Variants in RGPD2 observed in about 807,000 individuals in gnomAD.
The protein encoded by RGPD2 is RANBP2 like and GRIP domain containing 2, also known as RANBP2-like and GRIP domain-containing protein 2.
A neutral mutation model predicts 36.0 loss-of-function variants in RGPD2; 2 were observed. The observed-to-expected ratio is 0.06, with a 90% CI of 0.02 to 0.17. RGPD2 has a LOEUF of 0.17. RGPD2 is among the 10% of genes least tolerant of loss of function. RGPD2 has a pLI of 1.00. For missense variants in RGPD2, 40 were observed against 464.3 expected (o/e 0.09, Z 8.40); for synonymous variants, 19 against 163.8 (o/e 0.12, Z 6.75).
the RGPD2 span, among the ~76,000 whole-genome samples, chr2:87,914,249 A>G: frequency 8.3e-6 from 1 of 121,078 alleles, no homozygotes; most frequent in African/African-American, 3.2e-5. Context: ...AGCTTTTGTT[A>G]ATATCAAATG....
At chr2:87,871,655 T>C in the RGPD2 span, among the ~76,000 whole-genome samples, 1 of 151,890 alleles carries the variant, frequency 6.6e-6, no homozygotes, top group South Asian at 2.1e-4. Flanking sequence ...TACCCGAGAT[T>C]GGGAATTTGA....
chr2:87,935,206 G>C, the RGPD2 span, among the ~76,000 whole-genome samples: 3 of 143,888 alleles, frequency 2.1e-5, no homozygotes, highest in African/African-American at 5.2e-5. Flanking sequence ...TGGTAAGGGA[G>C]GGATTGAATA....
chr2:87,863,493 G>A, the RGPD2 span, among the ~76,000 whole-genome samples: 1 of 150,882 alleles, frequency 6.6e-6, no homozygotes, highest in Non-Finnish European at 1.5e-5. Flanking sequence ...TGGAATTAAG[G>A]TTTGGTTACC....
chr2:87,837,214 T>G, the RGPD2 span, among the ~76,000 whole-genome samples: 4 of 150,242 alleles, frequency 2.7e-5, no homozygotes, highest in Non-Finnish European at 6.0e-5. Context: ...AATTTGATAC[T>G]TAACTAAATA....
chr2:87,766,951 AG>A (rs1685002271), intron 22 of RGPD2: 1 of 149,082 alleles, frequency 6.7e-6, no homozygotes, highest in Non-Finnish European at 1.5e-5. Context: ...AAAGTGTGCA[AG>A]CAGAGAAGAC....
At chr2:87,857,596 C>A in the RGPD2 span, among the ~76,000 whole-genome samples, 2 of 151,656 alleles carry the variant, frequency 1.3e-5, no homozygotes, top group African/African-American at 2.4e-5. Flanking sequence ...CCCGCCTCGG[C>A]CTCCCAAAGT....
At chr2:87,934,518 T>C in the RGPD2 span, among the ~76,000 whole-genome samples, 1 of 148,090 alleles carries the variant, frequency 6.8e-6, no homozygotes, top group Non-Finnish European at 1.5e-5. Context: ...CACCATTTTA[T>C]GGACTTGTTA....
chr2:87,846,298 C>T, the RGPD2 span, among the ~76,000 whole-genome samples: 2 of 151,976 alleles, frequency 1.3e-5, no homozygotes, highest in African/African-American at 2.4e-5. Flanking sequence ...ATTTTCATTA[C>T]TCTTAAATAA....
chr2:87,867,660 A>G, the RGPD2 span, among the ~76,000 whole-genome samples: 1 of 152,154 alleles, frequency 6.6e-6, no homozygotes, highest in Non-Finnish European at 1.5e-5. Context: ...TAGTTTTTTT[A>G]TTTTTGAGTG....
At chr2:87,920,887 A>G in the RGPD2 span, among the ~76,000 whole-genome samples, 1 of 104,920 alleles carries the variant, frequency 9.5e-6, no homozygotes, top group Non-Finnish European at 1.9e-5. Context: ...TAAACCTAGA[A>G]TTTCCCATTA....
intron 1 of RGPD2, among the ~76,000 whole-genome samples, chr2:87,824,771 G>GCCGCCGCC (rs1686580730): frequency 4.3e-5 from 3 of 69,458 alleles, no homozygotes; most frequent in African/African-American, 1.6e-4. Context: ...GCCGCCGCCC[G>GCCGCCGCC]GCCAGGCCGA....
the RGPD2 span, among the ~76,000 whole-genome samples, chr2:87,978,217 A>G: frequency 0.062 from 9,391 of 152,144 alleles, 330 homozygotes; most frequent in Middle Eastern, 0.11. Context: ...CTAAGGGAAA[A>G]TATGGTCAAG....
intron 22 of RGPD2, among the ~76,000 whole-genome samples, chr2:87,768,983 TG>T (rs1352736387): frequency 1.2e-4 from 1 of 8,270 alleles, no homozygotes; most frequent in African/African-American, 3.9e-4. Context: ...TTTTTTTTTT[TG>T]AGATAAGAGT....
chr2:87,915,332 GTATATATAATGTATATTATATATAT>G, the RGPD2 span, among the ~76,000 whole-genome samples: 2 of 96,702 alleles, frequency 2.1e-5, no homozygotes, highest in Admixed American at 1.2e-4. Context: ...TATATATATT[GTATATATAATGTATATTATATATAT>G]TATATATATA....
chr2:87,914,091 G>A, the RGPD2 span, among the ~76,000 whole-genome samples: 12 of 151,352 alleles, frequency 7.9e-5, no homozygotes, highest in South Asian at 1.0e-3. Context: ...AAGTATAGCC[G>A]AATGCCTCTT....
chr2:87,825,936 G>T (rs1281315858), upstream of RGPD2: 55 of 577,182 alleles, frequency 9.5e-5, no homozygotes, highest in East Asian at 1.8e-3. Flanking sequence ...AGCACCCTGT[G>T]CTCTGAGGGT....
At chr2:87,769,552 C>T (rs1369575298) in intron 22 of RGPD2, among the ~76,000 whole-genome samples, 4 of 150,620 alleles carry the variant, frequency 2.7e-5, no homozygotes, top group African/African-American at 9.7e-5. Context: ...TTTAGAACTT[C>T]TAAATCAATG....
the RGPD2 span, among the ~76,000 whole-genome samples, chr2:87,872,872 G>A: frequency 2.0e-5 from 3 of 152,150 alleles, no homozygotes; most frequent in African/African-American, 7.2e-5. Flanking sequence ...TAATTCTCCT[G>A]CCTCAGCCTC....
At chr2:87,763,285 G>C (rs1167572513) in intron 22 of RGPD2, among the ~76,000 whole-genome samples, 4 of 148,966 alleles carry the variant, frequency 2.7e-5, no homozygotes, top group Non-Finnish European at 4.4e-5. Context: ...AGCCTCCCTA[G>C]TAGCTGGGAC....
Sources: gnomAD v4.1 joint callset for allele counts (sites outside exome capture counted in the v4.1 genomes callset) on GRCh38, gnomAD v4.1.1 for gene constraint, MANE v1.5 for transcripts, NCBI Gene and HGNC (gene_info 2026-07-23, HGNC 2026-07-21) for gene names.